Variants in AP2A2 observed in about 807,000 individuals in gnomAD.
AP2A2 encodes AP-2 complex subunit alpha-2.
A neutral mutation model predicts 104.2 loss-of-function variants in AP2A2; 32 were observed. That is an observed-to-expected ratio of 0.31 (90% CI 0.23 to 0.41). The LOEUF (loss-of-function observed/expected upper bound fraction) is 0.41, where lower values mean the gene tolerates loss of function less well. AP2A2 is among the 10% of genes least tolerant of loss of function. The pLI is 1.00. For synonymous variants in AP2A2, 539 were observed against 533.3 expected, an observed-to-expected ratio of 1.01 and a Z score of -0.15; for missense variants, 912 against 1,261.0, an observed-to-expected ratio of 0.72 and a Z score of 4.19.
At chr11:995,281 T>C in intron 14 of AP2A2, 1 of 455,804 alleles carries the variant, frequency 2.2e-6, no homozygotes, top group Admixed American at 2.3e-5. Context: ...GTTTTCCTTG[T>C]ATGTGTGATG....
rs539465457 is a variant in AP2A2 at position 968,619 on chromosome 11, G to A, written c.137-1550G>A. On this transcript the variant is annotated intron_variant, in intron 2 of 21. Coordinates refer to ENST00000448903, the MANE Select transcript of AP2A2 (RefSeq NM_012305.4). The surrounding 1 kb of genome is among the most constrained non-coding windows in gnomAD (Gnocchi z 4.2). ...GTGGTTGTCCAAGGCGGCTTCCAGCGGGTGATGGAATCTGGGCTGGGTAGG... is the reference window on the plus strand; with the variant it reads ...GTGGTTGTCCAAGGCGGCTTCCAGCAGGTGATGGAATCTGGGCTGGGTAGG... Among the ~76,000 whole-genome samples, 3 of 152,252 alleles carry A rather than the reference G, an allele frequency of 2.0e-5. No homozygotes were observed. The highest frequency in any genetic ancestry group is 2.1e-4 in the South Asian group (1 of 4,816).
chr11:992,815 C>T lies in AP2A2; in HGVS notation c.1452+130C>T, dbSNP rs1855705890. ...TGACCCCTCTTGCCCCTCAGCTCTT[C>T]CCTGAGGCTCTAGCTCCTCCACTGT... is the stretch of plus-strand genomic sequence containing the variant. On this transcript the variant is annotated intron_variant, in intron 11 of 21. Coordinates refer to ENST00000448903, the MANE Select transcript of AP2A2 (RefSeq NM_012305.4). The surrounding 1 kb of genome is among the most constrained non-coding windows in gnomAD (Gnocchi z 6.4). The T allele has an allele frequency of 1.2e-5, 11 of 920,380 alleles. No individual in the cohort carries two copies. The highest frequency in any genetic ancestry group is 2.1e-5 in the Admixed American group (1 of 48,118). 57.0% of individuals were successfully genotyped at this position (920,380 alleles called of 1,614,324 possible). A position where few individuals can be genotyped will look rare whatever the true frequency, so the allele number is the denominator to read the frequency against.
intron 1 of AP2A2, among the ~76,000 whole-genome samples, chr11:948,780 T>A (rs1364935866): frequency 3.3e-5 from 5 of 151,740 alleles, no homozygotes; most frequent in African/African-American, 4.8e-5. Context: ...GGCAGGAGAA[T>A]CTCTTGAACC....
At chr11:927,700 T>C (rs917030885) in intron 1 of AP2A2, among the ~76,000 whole-genome samples, 2 of 149,320 alleles carry the variant, frequency 1.3e-5, no homozygotes, top group African/African-American at 4.9e-5. Context: ...ACATCTATAG[T>C]CCCAGCTACT....
intron 7 of AP2A2, 106 bp downstream of exon 7, chr11:984,859 T>A: frequency 3.1e-6 from 3 of 973,716 alleles, no homozygotes. Context: ...TTACTAGCCC[T>A]GTCTCTTGAT....
chr11:1,009,422 CG>C, intron 20 of AP2A2, 25 bp downstream of exon 20: 1 of 1,597,830 alleles, frequency 6.3e-7, no homozygotes, highest in Non-Finnish European at 8.6e-7. Flanking sequence ...GGGACGGCCC[CG>C]GGGGACACGC....
chr11:946,481 G>C (rs966275044), intron 1 of AP2A2: 1 of 152,156 alleles, frequency 6.6e-6, no homozygotes, highest in African/African-American at 2.4e-5. Context: ...TTTGAAAATA[G>C]AGGAATTGGC....
intron 15 of AP2A2, among the ~76,000 whole-genome samples, chr11:1,002,459 CT>C (rs1483822158): frequency 6.6e-6 from 1 of 152,276 alleles, no homozygotes; most frequent in Non-Finnish European, 1.5e-5. Context: ...CTTTTTGAAG[CT>C]TCGCATGTGG....
rs556658081 is a variant in AP2A2, at chr11:972,059, C to T, written c.280-3C>T. On this transcript the variant is annotated splice_polypyrimidine_tract_variant and splice_region_variant and intron_variant, in intron 3 of 21. Coordinates refer to ENST00000448903, the MANE Select transcript of AP2A2 (RefSeq NM_012305.4). ...TTCTCTTCTCCTGTCTTTTGGAACG[C>T]AGGGCTACCTTTTCATCTCTGTGTT... The T allele has an allele frequency of 9.3e-6, 15 of 1,610,888 alleles. No individual in the cohort carries two copies. The highest frequency in any genetic ancestry group is 4.0e-5 in the African/African-American group (3 of 74,988).
intron 1 of AP2A2, among the ~76,000 whole-genome samples, chr11:935,544 C>A (rs558499098): frequency 1.3e-5 from 2 of 149,526 alleles, no homozygotes; most frequent in African/African-American, 4.9e-5. Context: ...TCAAGTGATG[C>A]GCCTGCCTTG....
intron 16 of AP2A2, among the ~76,000 whole-genome samples, chr11:1,005,940 T>C (rs1182971689): frequency 1.3e-5 from 2 of 152,258 alleles, no homozygotes; most frequent in Non-Finnish European, 2.9e-5. Flanking sequence ...CACAAAGATT[T>C]TTTACTGTGA....
chr11:929,794 G>A (rs889128413), intron 1 of AP2A2, among the ~76,000 whole-genome samples: 7 of 151,470 alleles, frequency 4.6e-5, no homozygotes, highest in Admixed American at 2.6e-4. Context: ...AGCAGATTGA[G>A]ACCCTGCCTC....
intron 1 of AP2A2, among the ~76,000 whole-genome samples, chr11:935,203 G>A (rs371811350): frequency 1.3e-5 from 2 of 151,924 alleles, no homozygotes; most frequent in Non-Finnish European, 2.9e-5. Context: ...ACAGATGCGC[G>A]CACCACCATG....
intron 7 of AP2A2, 51 bp downstream of exon 7, chr11:984,804 C>T (rs1589994196): frequency 7.1e-7 from 1 of 1,400,788 alleles, no homozygotes; most frequent in Non-Finnish European, 1.0e-6. Context: ...AGTCTGATTC[C>T]CTGTCTCAGA....
intron 1 of AP2A2, chr11:933,539 G>T (rs1333344896): frequency 2.2e-6 from 1 of 456,322 alleles, no homozygotes; most frequent in South Asian, 1.5e-5. Context: ...GGTAAGATGA[G>T]CTCTGTGCTT....
chr11:945,978 T>C (rs900108303), intron 1 of AP2A2, among the ~76,000 whole-genome samples: 4 of 152,150 alleles, frequency 2.6e-5, no homozygotes, highest in Non-Finnish European at 5.9e-5. Context: ...AACAGAGGCA[T>C]GCATGCTAAA....
At chr11:1,000,190 T>G (rs1013850539) in intron 14 of AP2A2, among the ~76,000 whole-genome samples, 7 of 152,280 alleles carry the variant, frequency 4.6e-5, no homozygotes, top group African/African-American at 1.7e-4. Context: ...GGTGCCTTAG[T>G]GAAATTATGA....
chr11:999,560 C>T (rs1034185509), intron 14 of AP2A2, among the ~76,000 whole-genome samples: 8 of 152,178 alleles, frequency 5.3e-5, no homozygotes, highest in Admixed American at 5.2e-4. Context: ...AACTCCTGGA[C>T]TCAAGCAGTC....
chr11:993,961 C>T lies in AP2A2; in HGVS notation c.1758C>T (p.Ser586=). 1.2e-6 allele frequency: 2 copies of T among 1,612,080 alleles called. No individual in the cohort carries two copies. Among genetic ancestry groups the T allele is most frequent in the East Asian group, 2.2e-5 (1 of 44,844 alleles). ...GTGCTGTGGAGTACCTGCGGCTCAG[C>T]ACCGTGGCCAGCACCGACATTCTGG... The part of the protein sequence containing the change: ...QQRAVEYLRL[S]TVASTDILAT... The change falls in exon 13 of 22, where the codon AGC becomes AGT. Residue 586 remains serine, a synonymous_variant. Coordinates refer to ENST00000448903, the MANE Select transcript of AP2A2 (RefSeq NM_012305.4). This position sits in a 1 kb window ranked among gnomAD's most constrained non-coding sequence, Gnocchi z 8.2.
Sources: allele counts gnomAD v4.1 joint callset (sites outside exome capture counted in the v4.1 genomes callset), GRCh38; gene constraint gnomAD v4.1.1; non-coding constraint Gnocchi (gnomAD v3.1); transcripts MANE v1.5; gene names NCBI Gene and HGNC (gene_info 2026-07-23, HGNC 2026-07-21).